ANO10: variants seen among roughly 807,000 people sequenced by gnomAD.
ANO10 encodes the protein anoctamin 10.
In ANO10, 77 loss-of-function variants were observed where a neutral mutation model predicts 74.7. The observed-to-expected ratio is 1.03, with a 90% CI of 0.86 to 1.25. ANO10 has a LOEUF of 1.25. ANO10 is among the 50% of genes most tolerant of loss of function. The probability of loss-of-function intolerance (pLI) is 0.00; values close to 1 mark genes in which losing one functional copy is unlikely to be tolerated. For synonymous variants in ANO10, 279 were observed against 284.9 expected, an observed-to-expected ratio of 0.98 and a Z score of 0.21; for missense variants, 721 against 778.1, an observed-to-expected ratio of 0.93 and a Z score of 0.87.
intron 12 of ANO10, among the ~76,000 whole-genome samples, chr3:43,416,404 G>A (rs1034455681): frequency 3.9e-5 from 6 of 152,182 alleles, no homozygotes; most frequent in East Asian, 3.9e-4. Context: ...GCCTTGTAGA[G>A]TCTATCTAAA....
chr3:43,608,866 C>T (rs759619692), intron 1 of ANO10, among the ~76,000 whole-genome samples: 6 of 152,156 alleles, frequency 3.9e-5, no homozygotes, highest in Non-Finnish European at 8.8e-5. Context: ...CAGGTGTGAG[C>T]CATGTGCCTG....
chr3:43,656,406 C>T (rs538723635), intron 1 of ANO10, among the ~76,000 whole-genome samples: 3 of 152,364 alleles, frequency 2.0e-5, no homozygotes, highest in African/African-American at 4.8e-5. Flanking sequence ...AGCTGCCTGC[C>T]AGTCCTGTGC....
intron 7 of ANO10, among the ~76,000 whole-genome samples, chr3:43,566,078 G>T (rs528347362): frequency 2.6e-5 from 4 of 152,128 alleles, no homozygotes; most frequent in Non-Finnish European, 5.9e-5. Context: ...GGTGACGGAC[G>T]GCACCTGGAA....
intron 12 of ANO10, among the ~76,000 whole-genome samples, chr3:43,427,350 C>A (rs1419809467): frequency 6.6e-6 from 1 of 151,948 alleles, no homozygotes; most frequent in African/African-American, 2.4e-5. Flanking sequence ...GCGCCACCTT[C>A]GATTTAGGGA....
chr3:43,585,479 T>A (rs561250601), intron 4 of ANO10, among the ~76,000 whole-genome samples: 1 of 152,224 alleles, frequency 6.6e-6, no homozygotes, highest in Non-Finnish European at 1.5e-5. Flanking sequence ...TTTACATATT[T>A]CCTTGAAGGT....
chr3:43,669,716 TTTTA>T (rs142716450), intron 1 of ANO10, among the ~76,000 whole-genome samples: 22 of 151,920 alleles, frequency 1.4e-4, no homozygotes, highest in East Asian at 3.9e-4. Context: ...TCTTTTTAGT[TTTTA>T]TTTATTTATT....
intron 11 of ANO10, among the ~76,000 whole-genome samples, chr3:43,457,944 C>A (rs1230355060): frequency 6.6e-6 from 1 of 152,094 alleles, no homozygotes; most frequent in East Asian, 1.9e-4. Context: ...ATCCCCCACC[C>A]CCTACCCTGT....
At chr3:43,442,860 G>A (rs1047759770) in intron 11 of ANO10, among the ~76,000 whole-genome samples, 3 of 152,186 alleles carry the variant, frequency 2.0e-5, no homozygotes, top group Admixed American at 6.5e-5. Flanking sequence ...TTTGGCTGGG[G>A]TTTGCCATCC....
At chr3:43,547,527 G>T (rs1163917166) in intron 11 of ANO10, among the ~76,000 whole-genome samples, 3 of 151,986 alleles carry the variant, frequency 2.0e-5, no homozygotes, top group Non-Finnish European at 1.5e-5. Flanking sequence ...TTCTTACTTT[G>T]CCAGTTTAGA....
chr3:43,539,590 A>G (rs2078866093), intron 11 of ANO10, among the ~76,000 whole-genome samples: 1 of 152,194 alleles, frequency 6.6e-6, no homozygotes, highest in Non-Finnish European at 1.5e-5. Context: ...CAGGTAATTG[A>G]CAGAAGGTCT....
chr3:43,450,778 T>C (rs1305371017), intron 11 of ANO10, among the ~76,000 whole-genome samples: 2 of 152,334 alleles, frequency 1.3e-5, no homozygotes, highest in East Asian at 1.9e-4. Flanking sequence ...AACATTTATG[T>C]CATCTTTTTG....
At chr3:43,490,891 G>A (rs761087463) in intron 11 of ANO10, among the ~76,000 whole-genome samples, 16 of 152,130 alleles carry the variant, frequency 1.1e-4, no homozygotes, top group East Asian at 3.9e-4. Flanking sequence ...GGCCACAGCC[G>A]GTGCCAGGGA....
At chr3:43,621,352 T>G (rs983774529) in intron 1 of ANO10, among the ~76,000 whole-genome samples, 4 of 152,070 alleles carry the variant, frequency 2.6e-5, no homozygotes, top group Non-Finnish European at 4.4e-5. Context: ...GTCAAAAGCC[T>G]GGAAACTCAG....
At chr3:43,489,401 T>C (rs1185558874) in intron 11 of ANO10, among the ~76,000 whole-genome samples, 1 of 152,122 alleles carries the variant, frequency 6.6e-6, no homozygotes, top group Non-Finnish European at 1.5e-5. Flanking sequence ...AACCTTAAGG[T>C]GGTATATAAG....
chr3:43,491,297 T>C (rs1394326995), intron 11 of ANO10, among the ~76,000 whole-genome samples: 1 of 152,104 alleles, frequency 6.6e-6, no homozygotes, highest in Admixed American at 6.6e-5. Context: ...GCAGATGACT[T>C]GAGGTCAGAA....
intron 1 of ANO10, among the ~76,000 whole-genome samples, chr3:43,670,448 T>C (rs1197208856): frequency 6.6e-6 from 1 of 152,182 alleles, no homozygotes; most frequent in African/African-American, 2.4e-5. Context: ...AATTTGGTGG[T>C]ATTTTTACAT....
chr3:43,384,516 G>C (rs993463508), intron 12 of ANO10, among the ~76,000 whole-genome samples: 1 of 152,104 alleles, frequency 6.6e-6, no homozygotes, highest in African/African-American at 2.4e-5. Context: ...TACATTACCC[G>C]ACTTCAAACT....
rs144728237 is a variant in ANO10, at chr3:43,432,724, C to T, written c.1801G>A (p.Ala601Thr). 60 of 1,607,532 alleles carry T rather than the reference C, an allele frequency of 3.7e-5. No individual in the cohort carries two copies. The Middle Eastern group carries it at 4.9e-4, about 13-fold the overall frequency. The part of the protein sequence containing the change: ...LILIVVAVEH[A>T]LLALKFILAF... ...AGTATAAACTTTAAAGCCAGGAGTG[C>T]GTGCTGAAAACAAGAAAGAGTACAT... The change falls in exon 12 of 13, where the codon GCA becomes ACA. Residue 601 changes from alanine (A) to threonine (T), a missense_variant. Transcript: ENST00000292246.
intron 1 of ANO10, among the ~76,000 whole-genome samples, chr3:43,682,052 T>C (rs920285349): frequency 4.6e-5 from 7 of 152,096 alleles, no homozygotes; most frequent in African/African-American, 1.4e-4. Context: ...ATTCAAAAGC[T>C]AGCAGAAGGC....
Sources: gnomAD v4.1 joint callset for allele counts (sites outside exome capture counted in the v4.1 genomes callset) on GRCh38, gnomAD v4.1.1 for gene constraint, MANE v1.5 for transcripts, NCBI Gene and HGNC (gene_info 2026-07-23, HGNC 2026-07-21) for gene names.